The following A4GALT variants were observed in gnomAD, a reference collection of about 807,000 sequenced individuals.
The protein encoded by A4GALT is alpha 1,4-galactosyltransferase (P1PK blood group), also known as lactosylceramide 4-alpha-galactosyltransferase.
For synonymous variants in A4GALT, 257 were observed against 220.7 expected, an observed-to-expected ratio of 1.16 and a Z score of -1.46; for missense variants, 512 against 486.0, an observed-to-expected ratio of 1.05 and a Z score of -0.50.
chr22:42,705,227 A>C (rs1920982326), intron 1 of A4GALT, among the ~76,000 whole-genome samples: 1 of 152,182 alleles, frequency 6.6e-6, no homozygotes, highest in South Asian at 2.1e-4. Context: ...TATGGAAAAA[A>C]ATTTAAAGGC....
chr22:42,695,911 T>G (rs1262592929), intron 1 of A4GALT, among the ~76,000 whole-genome samples: 1 of 151,840 alleles, frequency 6.6e-6, no homozygotes, highest in African/African-American at 2.4e-5. Context: ...TCACTTGAGA[T>G]CAGGAGTTCG....
intron 1 of A4GALT, among the ~76,000 whole-genome samples, chr22:42,701,317 T>A (rs1931285436): frequency 6.6e-6 from 1 of 152,076 alleles, no homozygotes; most frequent in South Asian, 2.1e-4. Context: ...AGGACACAGG[T>A]TGCTGTGGGG....
At position 42,713,415 on chromosome 22, in the gene A4GALT, C is replaced by T. The variant is rs889422344; in HGVS notation, c.-188+7382G>A. Among the ~76,000 whole-genome samples the T allele has an allele frequency of 7.2e-5, 11 of 152,338 alleles. 2 individuals are homozygous for T. In the South Asian group the frequency reaches 8.3e-4, roughly 11 times the overall value. ...AAGTGCCTGGGCGCCAATGTTGTGG[C>T]GGCCCCTCTCCAAGGTCAGGGAATA... On this transcript the variant is annotated intron_variant, in intron 1 of 2. Transcript: ENST00000642412.
chr22:42,694,312 G>GT lies in A4GALT; in HGVS notation c.-46-316dup, dbSNP rs1930762325. 3.3e-5 allele frequency among the ~76,000 whole-genome samples: 5 copies of GT among 152,392 alleles called. No homozygotes were observed. In the South Asian group the frequency reaches 8.3e-4, roughly 25 times the overall value. On this transcript the variant is annotated intron_variant, in intron 2 of 2. Coordinates refer to ENST00000642412, the MANE Select transcript of A4GALT (RefSeq NM_017436.7). ...AGGCCCAGGCCAGAGTCTGGTCTGCGTAAGGACTGTCAGAAGTGATGGCTT... is the reference window on the plus strand; with the variant it reads ...AGGCCCAGGCCAGAGTCTGGTCTGCGTTAAGGACTGTCAGAAGTGATGGCTT...
intron 1 of A4GALT, among the ~76,000 whole-genome samples, chr22:42,707,167 T>A (rs1177267359): frequency 2.0e-5 from 3 of 152,198 alleles, no homozygotes; most frequent in African/African-American, 7.2e-5. Context: ...TGATAGATAC[T>A]GTGCTTTCTT....
At chr22:42,709,216 T>C (rs1163104771) in intron 1 of A4GALT, among the ~76,000 whole-genome samples, 3 of 151,080 alleles carry the variant, frequency 2.0e-5, no homozygotes, top group African/African-American at 7.3e-5. Flanking sequence ...CATGCCACCA[T>C]ACCAGGTTCA....
chr22:42,701,382 G>A (rs1489569968), intron 1 of A4GALT, among the ~76,000 whole-genome samples: 2 of 152,108 alleles, frequency 1.3e-5, no homozygotes, highest in Non-Finnish European at 2.9e-5. Flanking sequence ...AGCCCGAGGT[G>A]GACCCCTGGC....
chr22:42,714,512 C>T (rs1344645810), intron 1 of A4GALT, among the ~76,000 whole-genome samples: 2 of 151,336 alleles, frequency 1.3e-5, no homozygotes, highest in Non-Finnish European at 2.9e-5. Context: ...AAGACTGAGC[C>T]AGGGTTTCAT....
rs369904140 is a variant in A4GALT at position 42,706,295 on chromosome 22, T to C, written c.-187-10664A>G. Among the ~76,000 whole-genome samples, 138 of 131,242 alleles carry C rather than the reference T, an allele frequency of 1.1e-3. 1 individual carries two copies. In the East Asian group the frequency reaches 0.025, roughly 24 times the overall value. The allele number at this position is 131,242 out of a possible 152,430, so 86.1% of individuals were successfully genotyped here. On this transcript the variant is annotated intron_variant, in intron 1 of 2. Transcript: ENST00000642412. Reference sequence around the variant, plus strand: ...GTGTGAACCCGGGAGGCAGAGCTTGTAGTGAGCTGAGATCACACCACTGCA... The same window carrying C: ...GTGTGAACCCGGGAGGCAGAGCTTGCAGTGAGCTGAGATCACACCACTGCA...
rs778577677 is a variant in A4GALT, at chr22:42,693,469, G to C, written c.483C>G (p.Ala161=). The change falls in exon 3 of 3, where the codon GCC becomes GCG. Residue 161 remains alanine, a synonymous_variant. Transcript: ENST00000642412. The part of the protein sequence containing the change: ...RDTPLADWYA[A]VQGRWEPYLL... ...GGTAGGGCTCCCAGCGCCCCTGCAC[G>C]GCCGCGTACCAGTCGGCCAGGGGTG... 1.9e-6 allele frequency: 3 copies of C among 1,613,028 alleles called. No homozygotes were observed. The highest frequency in any genetic ancestry group is 1.3e-5 in the African/African-American group (1 of 74,930).
At chr22:42,709,943 C>T (rs1430509487) in intron 1 of A4GALT, among the ~76,000 whole-genome samples, 1 of 152,112 alleles carries the variant, frequency 6.6e-6, no homozygotes, top group African/African-American at 2.4e-5. Flanking sequence ...TCCCCAGTGA[C>T]ACCAAAAAAC....
chr22:42,719,118 C>A (rs969843460), intron 1 of A4GALT, among the ~76,000 whole-genome samples: 8 of 152,162 alleles, frequency 5.3e-5, no homozygotes, highest in African/African-American at 1.9e-4. Context: ...GTCCCAGGGC[C>A]CATCACACGA....
At chr22:42,716,374 GCTCA>G (rs1294652031) in intron 1 of A4GALT, among the ~76,000 whole-genome samples, 1 of 152,168 alleles carries the variant, frequency 6.6e-6, no homozygotes, top group Admixed American at 6.6e-5. Context: ...TTTATTAAAA[GCTCA>G]CTGTCAGGCC....
chr22:42,704,358 A>G (rs1358791946), intron 1 of A4GALT, among the ~76,000 whole-genome samples: 2 of 152,050 alleles, frequency 1.3e-5, no homozygotes, highest in African/African-American at 4.8e-5. Context: ...ATGGTGGCAC[A>G]TGCCTGTAAT....
At chr22:42,698,180 A>C (rs1387986494) in intron 1 of A4GALT, among the ~76,000 whole-genome samples, 2 of 150,346 alleles carry the variant, frequency 1.3e-5, no homozygotes, top group Non-Finnish European at 2.9e-5. Flanking sequence ...CTCGGGAGGC[A>C]GAGGTTGCAG....
chr22:42,695,980 A>G (rs892662577), intron 1 of A4GALT, among the ~76,000 whole-genome samples: 4 of 151,946 alleles, frequency 2.6e-5, no homozygotes, highest in Non-Finnish European at 4.4e-5. Context: ...AAAATTAGCC[A>G]GGCGCGGTGG....
rs1366234759 is a variant in A4GALT at position 42,720,860 on chromosome 22, C to G, written c.-251G>C. ...CCCGGCGGGCGGGCGGCGCGGCGGC[C>G]GGAGGGCAGTGCCTGGGGCCCGGCG... On this transcript the variant is annotated 5_prime_UTR_variant, in exon 1 of 3. Transcript: ENST00000642412. 1.3e-5 allele frequency: 2 copies of G among 148,532 alleles called. No individual in the cohort carries two copies. Among genetic ancestry groups the G allele is most frequent in the Non-Finnish European group, 3.0e-5 (2 of 66,538 alleles). The allele number at this position is 148,532 out of a possible 1,614,324, so 9.2% of individuals were successfully genotyped here.
chr22:42,708,243 C>T (rs1228821667), intron 1 of A4GALT, among the ~76,000 whole-genome samples: 12 of 151,932 alleles, frequency 7.9e-5, no homozygotes, highest in East Asian at 1.9e-4. Flanking sequence ...CAAAATTAGC[C>T]GGGTGTGGTG....
chr22:42,708,327 G>A (rs13055227), intron 1 of A4GALT, among the ~76,000 whole-genome samples: 52,179 of 151,836 alleles, frequency 0.34, 10,143 homozygotes, highest in South Asian at 0.45. Context: ...GCAGTGAGCC[G>A]AGATCGCGCC....
Sources: gnomAD v4.1 joint callset for allele counts (sites outside exome capture counted in the v4.1 genomes callset) on GRCh38, gnomAD v4.1.1 for gene constraint, MANE v1.5 for transcripts, NCBI Gene and HGNC (gene_info 2026-07-23, HGNC 2026-07-21) for gene names.